PPP3R1: variants seen among roughly 807,000 people sequenced by gnomAD.
PPP3R1 encodes the protein calcineurin subunit B type 1.
In PPP3R1, 5 loss-of-function variants were observed where a neutral mutation model predicts 22.6. That is an observed-to-expected ratio of 0.22 (90% CI 0.12 to 0.46). The LOEUF (loss-of-function observed/expected upper bound fraction) is 0.46. Among genes scored for constraint, PPP3R1 ranks in the 20% least tolerant of loss-of-function variants. The probability of loss-of-function intolerance (pLI) is 0.99; values close to 1 mark genes in which losing one functional copy is unlikely to be tolerated. For missense variants in PPP3R1, 61 were observed against 203.2 expected (o/e 0.30, Z 4.25); for synonymous variants, 56 against 65.2 (o/e 0.86, Z 0.68).
At chr2:68,210,726 A>C (rs1402896374) in intron 2 of PPP3R1, among the ~76,000 whole-genome samples, 1 of 152,156 alleles carries the variant, frequency 6.6e-6, no homozygotes, top group Non-Finnish European at 1.5e-5. Context: ...TTTAGGAAAA[A>C]TTCACAAAAC....
chr2:68,200,236 G>A (rs1674946903), intron 2 of PPP3R1, among the ~76,000 whole-genome samples: 1 of 151,620 alleles, frequency 6.6e-6, no homozygotes, highest in East Asian at 1.9e-4. Context: ...ACATCTGTAA[G>A]GATCTGCAAT....
intron 1 of PPP3R1, among the ~76,000 whole-genome samples, chr2:68,234,859 A>G (rs930323004): frequency 1.1e-4 from 17 of 152,234 alleles, no homozygotes; most frequent in Non-Finnish European, 2.2e-4. Context: ...AACAAGAAAT[A>G]AAGTCCTAGC....
intron 1 of PPP3R1, among the ~76,000 whole-genome samples, chr2:68,244,055 A>G (rs1009963805): frequency 6.6e-6 from 1 of 152,290 alleles, no homozygotes; most frequent in South Asian, 2.1e-4. Context: ...GACTACATTA[A>G]TGTAGTGTCT....
At chr2:68,219,937 T>C (rs918399353) in intron 1 of PPP3R1, among the ~76,000 whole-genome samples, 3 of 152,196 alleles carry the variant, frequency 2.0e-5, no homozygotes, top group African/African-American at 7.2e-5. Context: ...AAGTTCAAGA[T>C]AGACTCCCCT....
At chr2:68,220,231 C>T (rs1304449347) in intron 1 of PPP3R1, among the ~76,000 whole-genome samples, 1 of 152,124 alleles carries the variant, frequency 6.6e-6, no homozygotes, top group East Asian at 1.9e-4. Flanking sequence ...GTCAGAGATA[C>T]ATGAAGTTCG....
At chr2:68,208,756 T>G (rs2103757819) in intron 2 of PPP3R1, among the ~76,000 whole-genome samples, 1 of 151,686 alleles carries the variant, frequency 6.6e-6, no homozygotes, top group South Asian at 2.1e-4. Flanking sequence ...TCAACATGTT[T>G]CTACTAAAAA....
chr2:68,222,404 C>G (rs2103779055), intron 1 of PPP3R1, among the ~76,000 whole-genome samples: 1 of 152,332 alleles, frequency 6.6e-6, no homozygotes, highest in East Asian at 1.9e-4. Flanking sequence ...AACATTATTT[C>G]TGAGTGAGAG....
At chr2:68,249,366 A>G (rs905670125) in intron 1 of PPP3R1, among the ~76,000 whole-genome samples, 1 of 152,128 alleles carries the variant, frequency 6.6e-6, no homozygotes, top group African/African-American at 2.4e-5. Flanking sequence ...GTAAAACTCT[A>G]CATACAGTTA....
At chr2:68,243,780 T>C (rs999998518) in intron 1 of PPP3R1, among the ~76,000 whole-genome samples, 1 of 152,148 alleles carries the variant, frequency 6.6e-6, no homozygotes, top group Non-Finnish European at 1.5e-5. Flanking sequence ...CTAAAACTGA[T>C]TGTAATGAGT....
chr2:68,196,904 T>G (rs1463813950), intron 2 of PPP3R1, among the ~76,000 whole-genome samples: 1 of 152,152 alleles, frequency 6.6e-6, no homozygotes, highest in Non-Finnish European at 1.5e-5. Context: ...TTTGTATTTT[T>G]GGTAGAGACG....
At chr2:68,224,158 T>C (rs1399285704) in intron 1 of PPP3R1, among the ~76,000 whole-genome samples, 2 of 152,184 alleles carry the variant, frequency 1.3e-5, no homozygotes, top group South Asian at 2.1e-4. Flanking sequence ...TATTTGTTCA[T>C]AGATCAGAAG....
intron 2 of PPP3R1, among the ~76,000 whole-genome samples, chr2:68,195,133 C>G (rs746675541): frequency 6.6e-6 from 1 of 152,012 alleles, no homozygotes; most frequent in Admixed American, 6.6e-5. Flanking sequence ...GTTAACATCC[C>G]CACTTGGCTG....
intron 1 of PPP3R1, among the ~76,000 whole-genome samples, chr2:68,232,265 GTA>G (rs10545203): frequency 0.14 from 3,646 of 25,314 alleles, 97 homozygotes; most frequent in East Asian, 0.27. Context: ...GTGTGTGTGT[GTA>G]TATATATATA....
chr2:68,221,010 C>A (rs1436769956), intron 1 of PPP3R1, among the ~76,000 whole-genome samples: 3 of 152,012 alleles, frequency 2.0e-5, no homozygotes, highest in Non-Finnish European at 4.4e-5. Flanking sequence ...CCAGCCTGGG[C>A]AACATGGCAA....
intron 3 of PPP3R1, 23 bp downstream of exon 3, chr2:68,188,491 A>G: frequency 6.5e-7 from 1 of 1,544,558 alleles, no homozygotes; most frequent in Non-Finnish European, 8.8e-7. Flanking sequence ...ACTTGTGGTT[A>G]TAAAAAATAA....
At chr2:68,225,718 A>AACACTGACATACCAAAGTGTTGGTGAAG (rs1369698970) in intron 1 of PPP3R1, among the ~76,000 whole-genome samples, 4 of 152,254 alleles carry the variant, frequency 2.6e-5, no homozygotes, top group African/African-American at 9.6e-5. Flanking sequence ...TAAAAATAAA[A>AACACTGACATACCAAAGTGTTGGTGAAG]ACACTGACAT....
chr2:68,226,571 A>G (rs536616518), intron 1 of PPP3R1, among the ~76,000 whole-genome samples: 270 of 152,296 alleles, frequency 1.8e-3, no homozygotes, highest in Middle Eastern at 3.4e-3. Flanking sequence ...AATCTTACAG[A>G]ATCATGAGAC....
At chr2:68,204,571 CTT>C (rs1384461625) in intron 2 of PPP3R1, among the ~76,000 whole-genome samples, 2 of 152,142 alleles carry the variant, frequency 1.3e-5, no homozygotes, top group African/African-American at 2.4e-5. Flanking sequence ...TTTAAAGTCT[CTT>C]TGCTTCTATT....
chr2:68,180,792 T>C lies in PPP3R1; in HGVS notation c.*171A>G. 1 of 633,428 alleles carries C rather than the reference T, an allele frequency of 1.6e-6. No individual in the cohort carries two copies. 39.2% of individuals were successfully genotyped at this position (633,428 alleles called of 1,614,324 possible). A position where few individuals can be genotyped will look rare whatever the true frequency, so the allele number is the denominator to read the frequency against. ...GTGCTACACTGAGTTATTGAGAGAA[T>C]TACAGTTCAATAACACTTAGTTGGC... On this transcript the variant is annotated 3_prime_UTR_variant, in exon 6 of 6. Transcript: ENST00000234310.
Sources: allele counts gnomAD v4.1 joint callset (sites outside exome capture counted in the v4.1 genomes callset), GRCh38; gene constraint gnomAD v4.1.1; transcripts MANE v1.5; gene names NCBI Gene and HGNC (gene_info 2026-07-23, HGNC 2026-07-21).